OSBPL10: variants seen among roughly 807,000 people sequenced by gnomAD.
OSBPL10 encodes oxysterol-binding protein-related protein 10.
In OSBPL10, 49 loss-of-function variants were observed where a neutral mutation model predicts 81.7. That is an observed-to-expected ratio of 0.60 (90% CI 0.48 to 0.76). The LOEUF (loss-of-function observed/expected upper bound fraction) is 0.76. OSBPL10 is among the 30% of genes least tolerant of loss of function. The probability of loss-of-function intolerance (pLI) is 0.00; values close to 1 mark genes in which losing one functional copy is unlikely to be tolerated. For synonymous variants in OSBPL10, 419 were observed against 383.6 expected, an observed-to-expected ratio of 1.09 and a Z score of -1.08; for missense variants, 923 against 987.8, an observed-to-expected ratio of 0.93 and a Z score of 0.88.
At chr3:31,746,496 T>G (rs1335097017) in intron 5 of OSBPL10, among the ~76,000 whole-genome samples, 1 of 151,696 alleles carries the variant, frequency 6.6e-6, no homozygotes, top group African/African-American at 2.4e-5. Flanking sequence ...CTGAACAACG[T>G]GGAGAAACCC....
intron 2 of OSBPL10, among the ~76,000 whole-genome samples, chr3:31,987,228 A>G (rs945607223): frequency 6.6e-6 from 1 of 152,178 alleles, no homozygotes; most frequent in African/African-American, 2.4e-5. Flanking sequence ...TATAAAACAT[A>G]TAATACTTTC....
intron 6 of OSBPL10, among the ~76,000 whole-genome samples, chr3:31,713,720 T>C (rs1486380042): frequency 6.6e-6 from 1 of 152,106 alleles, no homozygotes; most frequent in Non-Finnish European, 1.5e-5. Flanking sequence ...AACTCCAGTG[T>C]CCCCTTACCA....
chr3:31,892,724 C>A (rs184600605), intron 1 of OSBPL10, among the ~76,000 whole-genome samples: 1 of 151,980 alleles, frequency 6.6e-6, no homozygotes, highest in South Asian at 2.1e-4. Flanking sequence ...AGGGAGAGGG[C>A]GAGGGTGAGG....
chr3:31,812,734 GA>G (rs1303795072), intron 4 of OSBPL10, among the ~76,000 whole-genome samples: 2 of 17,666 alleles, frequency 1.1e-4, no homozygotes, highest in Admixed American at 7.8e-4. Context: ...AAGAAAGAAA[GA>G]AAGAAAGAAA....
chr3:31,732,927 A>T lies in OSBPL10; in HGVS notation c.1095+330T>A, dbSNP rs192857001. 24 of 338,712 alleles carry T rather than the reference A, an allele frequency of 7.1e-5. No homozygotes were observed. The East Asian group carries it at 2.0e-3, about 28-fold the overall frequency. The allele number at this position is 338,712 out of a possible 1,614,324, so 21.0% of individuals were successfully genotyped here. On this transcript the variant is annotated intron_variant, in intron 6 of 11. Coordinates refer to ENST00000396556, the MANE Select transcript of OSBPL10 (RefSeq NM_017784.5). ...ATTATTCAGGGGAGCGACATAATAT[A>T]TTGTAACTGCTCCCATCATGTCAAT...
At chr3:31,811,099 G>A (rs1464638248) in intron 4 of OSBPL10, among the ~76,000 whole-genome samples, 1 of 151,976 alleles carries the variant, frequency 6.6e-6, no homozygotes, top group African/African-American at 2.4e-5. Flanking sequence ...CAGGAAAAAG[G>A]CGCCTTCTCC....
intron 1 of OSBPL10, among the ~76,000 whole-genome samples, chr3:31,923,808 TAAAAGA>T (rs1696988267): frequency 6.6e-6 from 1 of 151,990 alleles, no homozygotes; most frequent in Non-Finnish European, 1.5e-5. Flanking sequence ...GAGGAGTAAG[TAAAAGA>T]AAAAGACCAG....
chr3:31,731,321 A>G (rs1376095928), intron 6 of OSBPL10, among the ~76,000 whole-genome samples: 2 of 152,194 alleles, frequency 1.3e-5, no homozygotes, highest in Admixed American at 6.5e-5. Context: ...TTTCCCTACT[A>G]CATGGAATCA....
chr3:31,872,297 G>A (rs1294438939), intron 3 of OSBPL10, among the ~76,000 whole-genome samples: 2 of 152,200 alleles, frequency 1.3e-5, no homozygotes, highest in Non-Finnish European at 1.5e-5. Context: ...GAGGCTAGAT[G>A]TCAGAGCAAG....
intron 4 of OSBPL10, among the ~76,000 whole-genome samples, chr3:31,753,597 T>G (rs1697787439): frequency 6.6e-6 from 1 of 152,188 alleles, no homozygotes; most frequent in Non-Finnish European, 1.5e-5. Flanking sequence ...ATACTTTAAT[T>G]TTCCAGGGGA....
intron 1 of OSBPL10, among the ~76,000 whole-genome samples, chr3:31,924,313 G>GA (rs1192031572): frequency 6.6e-6 from 1 of 152,136 alleles, no homozygotes; most frequent in African/African-American, 2.4e-5. Context: ...CTCTGGAGTG[G>GA]AAAAGAGTAC....
chr3:32,014,881 C>A (rs1323097075), intron 2 of OSBPL10, among the ~76,000 whole-genome samples: 12 of 152,128 alleles, frequency 7.9e-5, no homozygotes, highest in Non-Finnish European at 1.6e-4. Flanking sequence ...AGGAATCCAA[C>A]TTACAAGGGA....
chr3:31,686,838 G>A (rs1700803730), intron 7 of OSBPL10, among the ~76,000 whole-genome samples: 1 of 152,136 alleles, frequency 6.6e-6, no homozygotes, highest in African/African-American at 2.4e-5. Flanking sequence ...TCTGGGGGCT[G>A]CTCTTCCAAT....
intron 2 of OSBPL10, among the ~76,000 whole-genome samples, chr3:32,041,784 G>A (rs1035416094): frequency 6.6e-6 from 1 of 151,958 alleles, no homozygotes; most frequent in African/African-American, 2.4e-5. Context: ...CAATCTCCCA[G>A]GTAGCTGGGA....
chr3:31,701,015 C>CACT (rs1273780998), intron 7 of OSBPL10, among the ~76,000 whole-genome samples: 2 of 152,108 alleles, frequency 1.3e-5, no homozygotes, highest in African/African-American at 4.8e-5. Context: ...GTGCAGTCTC[C>CACT]CAGAATATCA....
chr3:31,708,733 C>A, intron 6 of OSBPL10: 1 of 985,418 alleles, frequency 1.0e-6, no homozygotes. Context: ...CCACACACTG[C>A]ACAGGTGAGA....
intron 2 of OSBPL10, among the ~76,000 whole-genome samples, chr3:32,003,679 G>C (rs1003382578): frequency 2.6e-5 from 4 of 152,158 alleles, no homozygotes; most frequent in African/African-American, 7.2e-5. Context: ...AACCAATCAG[G>C]AACAAAGGGC....
chr3:31,943,592 C>T (rs1489267377), intron 1 of OSBPL10, among the ~76,000 whole-genome samples: 2 of 152,144 alleles, frequency 1.3e-5, no homozygotes, highest in Non-Finnish European at 2.9e-5. Flanking sequence ...TACACAGAGA[C>T]AGACATACAT....
intron 3 of OSBPL10, among the ~76,000 whole-genome samples, chr3:31,846,580 C>G (rs1467792724): frequency 6.6e-6 from 1 of 151,848 alleles, no homozygotes; most frequent in Non-Finnish European, 1.5e-5. Flanking sequence ...TGCAGTGAGC[C>G]AAGATCACGC....
Sources: allele counts gnomAD v4.1 joint callset (sites outside exome capture counted in the v4.1 genomes callset), GRCh38; gene constraint gnomAD v4.1.1; transcripts MANE v1.5; gene names NCBI Gene and HGNC (gene_info 2026-07-23, HGNC 2026-07-21).